The following HMGXB4 variants were observed in gnomAD, a reference collection of about 807,000 sequenced individuals.
The protein encoded by HMGXB4 is HMG-box containing 4, also known as HMG domain-containing protein 4.
Under a neutral mutation model 63.9 loss-of-function variants are expected in HMGXB4, and 27 were observed. That is an observed-to-expected ratio of 0.42 (90% CI 0.31 to 0.58). The LOEUF (loss-of-function observed/expected upper bound fraction) is 0.58, where lower values mean the gene tolerates loss of function less well. Ranked by LOEUF, HMGXB4 falls within the 20% of genes least tolerant of loss-of-function variation. The probability of loss-of-function intolerance (pLI) is 0.13; values close to 1 mark genes in which losing one functional copy is unlikely to be tolerated. For missense variants in HMGXB4, 624 were observed against 700.7 expected, an observed-to-expected ratio of 0.89 and a Z score of 1.24; for synonymous variants, 264 against 265.3, an observed-to-expected ratio of 0.99 and a Z score of 0.05.
chr22:35,268,063 G>A (rs578180805), intron 5 of HMGXB4, among the ~76,000 whole-genome samples: 5 of 152,210 alleles, frequency 3.3e-5, no homozygotes, highest in Non-Finnish European at 7.3e-5. Flanking sequence ...CAGCCTGCGC[G>A]ACAGCGTGAG....
chr22:35,275,967 A>T (rs185061320), intron 5 of HMGXB4, among the ~76,000 whole-genome samples: 101 of 152,254 alleles, frequency 6.6e-4, no homozygotes, highest in Admixed American at 1.6e-3. Flanking sequence ...GCCATCCTGT[A>T]TGTTTTCTTT....
At chr22:35,271,416 T>C (rs936284555) in intron 5 of HMGXB4, among the ~76,000 whole-genome samples, 7 of 152,098 alleles carry the variant, frequency 4.6e-5, no homozygotes, top group Admixed American at 4.6e-4. Context: ...ATAGAGAAGG[T>C]GAGAAGAATA....
At chr22:35,288,756 G>A (rs1924745356) in intron 9 of HMGXB4, among the ~76,000 whole-genome samples, 1 of 152,082 alleles carries the variant, frequency 6.6e-6, no homozygotes. Context: ...GCCCACCTGG[G>A]AGAATCGCTT....
At chr22:35,267,411 C>T (rs193184022) in intron 5 of HMGXB4, among the ~76,000 whole-genome samples, 99 of 152,252 alleles carry the variant, frequency 6.5e-4, no homozygotes, top group Admixed American at 1.8e-3. Context: ...ACTAATCATC[C>T]AGTGCTGAAT....
chr22:35,286,950 T>C (rs1269835164), intron 7 of HMGXB4: 1 of 166,474 alleles, frequency 6.0e-6, no homozygotes, highest in East Asian at 1.6e-4. Context: ...CAGCCATTCT[T>C]CACCCAGATT....
At chr22:35,291,522 A>T (rs1409942460) in intron 9 of HMGXB4, among the ~76,000 whole-genome samples, 1 of 152,208 alleles carries the variant, frequency 6.6e-6, no homozygotes, top group Non-Finnish European at 1.5e-5. Context: ...AAGTTAAAAC[A>T]ATAATCCTAG....
chr22:35,263,220 G>T lies in HMGXB4; in HGVS notation c.174G>T (p.Lys58Asn), dbSNP rs1337284448. The T allele has an allele frequency of 1.2e-6, 2 of 1,609,684 alleles. No homozygotes were observed. The highest frequency in any genetic ancestry group is 1.7e-6 in the Non-Finnish European group (2 of 1,177,928). The change falls in exon 3 of 11, where the codon AAG (lysine) becomes AAT (asparagine). Residue 58 changes from lysine (K) to asparagine (N), a missense_variant. This residue lies in a region of HMGXB4 where 472 missense variants were observed against 470.6 expected (regional missense o/e 1.00). Coordinates refer to ENST00000216106, the MANE Select transcript of HMGXB4 (RefSeq NM_001003681.3). Reference sequence around the variant, plus strand: ...AGGTCAGGAATTCTTCCAAGAAGAAGTTGAAGGTAAGTCCTGAAAATTTAA... The same window carrying T: ...AGGTCAGGAATTCTTCCAAGAAGAATTTGAAGGTAAGTCCTGAAAATTTAA... ...AAQVRNSSKK[K>N]LKDSELYFLG...
rs151019358 is a variant in HMGXB4, at chr22:35,285,531, C to T, written c.1298-466C>T. Among the ~76,000 whole-genome samples the T allele has an allele frequency of 8.5e-3, 1,288 of 152,056 alleles. 10 individuals carry two copies. The highest frequency in any genetic ancestry group is 0.014 in the Non-Finnish European group (950 of 67,984). On this transcript the variant is annotated intron_variant, in intron 6 of 10. Transcript: ENST00000216106. The stretch of plus-strand genomic sequence containing the variant: ...CTTCACTCCAGCCTGGGCGACAGAG[C>T]GAGACTCCGTCTCAAAAAAAAGAAA...
intron 5 of HMGXB4, 82 bp downstream of exon 5, chr22:35,265,685 G>C (rs1249643665): frequency 1.4e-6 from 2 of 1,443,400 alleles, no homozygotes; most frequent in African/African-American, 2.9e-5. Context: ...AAGTTAAGCA[G>C]TTGAGGTAAA....
At chr22:35,244,957 C>T in the HMGXB4 span, among the ~76,000 whole-genome samples, 1 of 152,182 alleles carries the variant, frequency 6.6e-6, no homozygotes, top group African/African-American at 2.4e-5. Context: ...CACTGGGGAA[C>T]AAACATTTCA....
At chr22:35,253,945 T>C (rs143486892), upstream of HMGXB4, among the ~76,000 whole-genome samples, 109 of 152,342 alleles carry the variant, frequency 7.2e-4, no homozygotes, top group African/African-American at 2.5e-3. Context: ...TCCCTCTGCC[T>C]GTCTCTTAAG....
intron 7 of HMGXB4, among the ~76,000 whole-genome samples, chr22:35,286,469 A>G (rs1924582506): frequency 6.6e-6 from 1 of 152,244 alleles, no homozygotes; most frequent in African/African-American, 2.4e-5. Context: ...TGTGATTACT[A>G]GGTAACCAGG....
chr22:35,246,311 G>A, the HMGXB4 span, among the ~76,000 whole-genome samples: 4 of 151,986 alleles, frequency 2.6e-5, no homozygotes, highest in African/African-American at 9.7e-5. Context: ...GTCTCGCTCT[G>A]TCGCCCAGGA....
At chr22:35,246,569 G>A in the HMGXB4 span, among the ~76,000 whole-genome samples, 1,880 of 152,266 alleles carry the variant, frequency 0.012, 26 homozygotes, top group Non-Finnish European at 0.018. Flanking sequence ...CACCGCTCCC[G>A]GCCGTATTTT....
At chr22:35,255,515 A>AAAAC (rs547053744), upstream of HMGXB4, among the ~76,000 whole-genome samples, 1 of 152,194 alleles carries the variant, frequency 6.6e-6, no homozygotes, top group Non-Finnish European at 1.5e-5. Flanking sequence ...ACCCTGTCTC[A>AAAAC]AAACAAACAA....
At position 35,265,581 on chromosome 22, in the gene HMGXB4, AAG is replaced by A. The variant is rs760766503; in HGVS notation, c.1206_1207del (p.Gly403ArgfsTer16). On this transcript the variant is annotated frameshift_variant, in exon 5 of 11. Coordinates refer to ENST00000216106, the MANE Select transcript of HMGXB4 (RefSeq NM_001003681.3). LOFTEE classifies it high-confidence loss of function. The stretch of plus-strand genomic sequence containing the variant: ...AAAAAGAAAAAAGAAGAGAAGGACA[AAG>A]AGAGAGAGAGAGGAGAAAAGGTAAA... 1.5e-3 allele frequency: 2,164 copies of A among 1,429,506 alleles called. No individual in the cohort carries two copies. The highest frequency in any genetic ancestry group is 3.1e-3 in the South Asian group (233 of 75,012). 88.6% of individuals were successfully genotyped at this position (1,429,506 alleles called of 1,614,324 possible). A position where few individuals can be genotyped will look rare whatever the true frequency, so the allele number is the denominator to read the frequency against.
chr22:35,275,304 G>C (rs1208079851), intron 5 of HMGXB4, among the ~76,000 whole-genome samples: 1 of 151,646 alleles, frequency 6.6e-6, no homozygotes, highest in Non-Finnish European at 1.5e-5. Flanking sequence ...CTTTTTAGTG[G>C]AAACAGGGTT....
chr22:35,267,221 A>G (rs1923319673), intron 5 of HMGXB4, among the ~76,000 whole-genome samples: 1 of 150,722 alleles, frequency 6.6e-6, no homozygotes, highest in Non-Finnish European at 1.5e-5. Flanking sequence ...AAAAACCACA[A>G]AGCTGTACCT....
At chr22:35,272,456 C>T (rs761759663) in intron 5 of HMGXB4, among the ~76,000 whole-genome samples, 11 of 152,092 alleles carry the variant, frequency 7.2e-5, no homozygotes, top group Non-Finnish European at 1.5e-4. Context: ...GTTGGTTTTA[C>T]TGGTTTTGAG....
Sources: gnomAD v4.1 joint callset for allele counts (sites outside exome capture counted in the v4.1 genomes callset) on GRCh38, gnomAD v4.1.1 for gene constraint, gnomAD v4.1.1 regional missense constraint, MANE v1.5 for transcripts, NCBI Gene and HGNC (gene_info 2026-07-23, HGNC 2026-07-21) for gene names.